MICU1: variants seen among roughly 807,000 people sequenced by gnomAD.
MICU1 encodes mitochondrial calcium uptake 1, also known as calcium uptake protein 1, mitochondrial.
MICU1 carries 45 observed loss-of-function variants against 56.8 expected under a neutral mutation model. The ratio of observed to expected loss-of-function variants is 0.79; its 90% confidence interval spans 0.62 to 1.02. The LOEUF is 1.02. MICU1 is among the 50% of genes least tolerant of loss of function. The probability of loss-of-function intolerance (pLI) is 0.00; values close to 1 mark genes in which losing one functional copy is unlikely to be tolerated. For missense variants in MICU1, 504 were observed against 587.1 expected (o/e 0.86, Z 1.46); for synonymous variants, 186 against 195.1 (o/e 0.95, Z 0.39).
At chr10:72,505,670 T>A (rs957839141) in intron 6 of MICU1, among the ~76,000 whole-genome samples, 2 of 152,144 alleles carry the variant, frequency 1.3e-5, no homozygotes, top group Non-Finnish European at 2.9e-5. Flanking sequence ...GCAACATGGA[T>A]GTAGCCAGAG....
chr10:72,410,056 G>A (rs1863758235), intron 9 of MICU1, among the ~76,000 whole-genome samples: 1 of 152,068 alleles, frequency 6.6e-6, no homozygotes, highest in African/African-American at 2.4e-5. Context: ...TATGTAAATA[G>A]CGTACTTACA....
At chr10:72,436,179 C>T (rs554659966) in intron 8 of MICU1, among the ~76,000 whole-genome samples, 32 of 152,300 alleles carry the variant, frequency 2.1e-4, no homozygotes, top group Non-Finnish European at 2.8e-4. Context: ...CCCTCTGGAA[C>T]GACACTTCCA....
Position 72,475,159 on chromosome 10 carries a change from T to C in MICU1, c.874A>G (p.Thr292Ala). The C allele has an allele frequency of 1.2e-6, 2 of 1,611,576 alleles. No individual in the cohort carries two copies. Among genetic ancestry groups the C allele is most frequent in the South Asian group, 1.1e-5 (1 of 90,438 alleles). ...FFGADLKGKL[T>A]IKNFLEFQRK... ...TGAAATTCGAGGAAGTTTTTGATTG[T>C]CAGCTTTCCCTTCAGATCAGCTCCA... Residue 292 changes from threonine to alanine, a missense_variant, in exon 8 of 12, where the codon ACA (threonine) becomes GCA (alanine). By Grantham distance (58) the Thr-to-Ala change is moderately conservative. Transcript: ENST00000361114.
chr10:72,477,781 A>T (rs1346830208), intron 6 of MICU1, among the ~76,000 whole-genome samples: 2 of 152,218 alleles, frequency 1.3e-5, no homozygotes, highest in African/African-American at 4.8e-5. Context: ...GGATAATTTC[A>T]AGTTGGTTTC....
chr10:72,608,008 G>A (rs553676747), intron 1 of MICU1, among the ~76,000 whole-genome samples: 1 of 152,104 alleles, frequency 6.6e-6, no homozygotes, highest in African/African-American at 2.4e-5. Context: ...TGAGAGTAAA[G>A]AGAGGAAGAA....
intron 6 of MICU1, among the ~76,000 whole-genome samples, chr10:72,482,100 T>C (rs994425122): frequency 6.6e-6 from 1 of 152,236 alleles, no homozygotes; most frequent in Admixed American, 6.5e-5. Context: ...CATAATCAGA[T>C]AAACACTAGC....
chr10:72,419,558 G>C (rs1864088462), intron 9 of MICU1, among the ~76,000 whole-genome samples: 1 of 152,210 alleles, frequency 6.6e-6, no homozygotes, highest in African/African-American at 2.4e-5. Context: ...AAGTCTGGCT[G>C]ATAAGAAGGG....
intron 1 of MICU1, among the ~76,000 whole-genome samples, chr10:72,609,178 A>T (rs760499954): frequency 6.6e-6 from 1 of 152,212 alleles, no homozygotes; most frequent in Non-Finnish European, 1.5e-5. Flanking sequence ...AAGTTCAGAG[A>T]CAGAAAGTAG....
chr10:72,545,887 A>G (rs1424951160), intron 4 of MICU1, among the ~76,000 whole-genome samples: 1 of 152,204 alleles, frequency 6.6e-6, no homozygotes, highest in African/African-American at 2.4e-5. Flanking sequence ...ATGTGATGCT[A>G]TACTAGTCAG....
intron 10 of MICU1, among the ~76,000 whole-genome samples, chr10:72,386,550 G>A (rs912448620): frequency 1.5e-5 from 2 of 136,896 alleles, no homozygotes; most frequent in Non-Finnish European, 3.1e-5. Context: ...CTCATCCCCC[G>A]CCACCTATTT....
chr10:72,581,454 C>A (rs1201057299), intron 1 of MICU1, among the ~76,000 whole-genome samples: 1 of 152,110 alleles, frequency 6.6e-6, no homozygotes, highest in Non-Finnish European at 1.5e-5. Flanking sequence ...CATGGTGAAA[C>A]CCTGTCTCTA....
chr10:72,521,836 T>C (rs1384291703), intron 5 of MICU1, among the ~76,000 whole-genome samples: 1 of 151,386 alleles, frequency 6.6e-6, no homozygotes, highest in Non-Finnish European at 1.5e-5. Context: ...TAACTTGAAG[T>C]TGAAGAGGAA....
chr10:72,620,055 A>G (rs546521776), intron 1 of MICU1, among the ~76,000 whole-genome samples: 56 of 152,188 alleles, frequency 3.7e-4, no homozygotes, highest in Non-Finnish European at 6.2e-4. Flanking sequence ...AAAAAGGAAA[A>G]AAACAGCTTG....
intron 8 of MICU1, among the ~76,000 whole-genome samples, chr10:72,437,447 A>G (rs745924088): frequency 6.6e-6 from 1 of 152,230 alleles, no homozygotes; most frequent in African/African-American, 2.4e-5. Flanking sequence ...AAACTTGCCA[A>G]ATTGTAAAGA....
chr10:72,517,358 A>T (rs1867678247), intron 5 of MICU1, among the ~76,000 whole-genome samples: 1 of 152,220 alleles, frequency 6.6e-6, no homozygotes, highest in Admixed American at 6.5e-5. Context: ...AACTGCAAAT[A>T]CGTGGAACCA....
rs1045665926 is a variant in MICU1 at position 72,368,226 on chromosome 10, G to C, written c.1400C>G (p.Thr467Ser). 16 of 1,613,642 alleles carry C rather than the reference G, an allele frequency of 9.9e-6. No individual in the cohort carries two copies. The highest frequency in any genetic ancestry group is 1.4e-5 in the Non-Finnish European group (16 of 1,179,812). The change falls in exon 12 of 12, where the codon ACT (threonine) becomes AGT (serine). Residue 467 changes from threonine to serine, a missense_variant. Thr to Ser is a moderately conservative substitution (Grantham distance 58). Transcript: ENST00000361114. The stretch of plus-strand genomic sequence containing the variant: ...TTTGGGTAAAGCGAAGTCCCAGGCA[G>C]TTTCCTGTGCACATTTCCACATGGC... Reference protein sequence around the residue: ...MQAMWKCAQETAWDFALPKQ With the variant: ...MQAMWKCAQESAWDFALPKQ
At chr10:72,571,087 A>G (rs1840599119) in intron 1 of MICU1, among the ~76,000 whole-genome samples, 1 of 152,052 alleles carries the variant, frequency 6.6e-6, no homozygotes, top group Non-Finnish European at 1.5e-5. Flanking sequence ...GAACAGGATG[A>G]GTGCAGTGGC....
intron 8 of MICU1, among the ~76,000 whole-genome samples, chr10:72,462,775 A>C (rs1865677126): frequency 1.3e-5 from 2 of 152,220 alleles, no homozygotes. Context: ...CTTATTCATA[A>C]GTTGAGAAGC....
chr10:72,394,260 A>T (rs1863173431), intron 10 of MICU1, among the ~76,000 whole-genome samples: 3 of 152,202 alleles, frequency 2.0e-5, no homozygotes, highest in Admixed American at 2.0e-4. Flanking sequence ...ACAAGGTCAC[A>T]ATCACAGGTT....
Sources: allele counts gnomAD v4.1 joint callset (sites outside exome capture counted in the v4.1 genomes callset), GRCh38; gene constraint gnomAD v4.1.1; transcripts MANE v1.5; gene names NCBI Gene and HGNC (gene_info 2026-07-23, HGNC 2026-07-21).